LRRC37A2: variants seen among roughly 807,000 people sequenced by gnomAD.
LRRC37A2 encodes leucine-rich repeat-containing protein 37A2.
In LRRC37A2, 9 loss-of-function variants were observed where a neutral mutation model predicts 68.8. The ratio of observed to expected loss-of-function variants is 0.13; its 90% CI spans 0.08 to 0.23. The LOEUF is 0.23. Ranked by LOEUF, LRRC37A2 falls within the 10% of genes least tolerant of loss-of-function variation. The pLI is 1.00. For missense variants in LRRC37A2, 168 were observed against 950.4 expected, an observed-to-expected ratio of 0.18 and a Z score of 10.82; for synonymous variants, 63 against 367.6, an observed-to-expected ratio of 0.17 and a Z score of 9.48.
the LRRC37A2 span, among the ~76,000 whole-genome samples, chr17:46,801,155 G>A: frequency 2.0e-5 from 3 of 152,318 alleles, no homozygotes; most frequent in East Asian, 5.8e-4. Flanking sequence ...AGTCCACCCA[G>A]ATAAAAAGGC....
intron 8 of LRRC37A2, among the ~76,000 whole-genome samples, chr17:46,541,198 A>T (rs1469294207): frequency 2.0e-5 from 3 of 147,734 alleles, no homozygotes. Context: ...ATGTCTTATA[A>T]ATGAAATCAT....
chr17:46,973,538 A>C, the LRRC37A2 span, among the ~76,000 whole-genome samples: 1 of 152,036 alleles, frequency 6.6e-6, no homozygotes, highest in African/African-American at 2.4e-5. Context: ...CATGGACTGG[A>C]GTGCACTTAT....
the LRRC37A2 span, among the ~76,000 whole-genome samples, chr17:46,667,518 A>G: frequency 1.3e-4 from 19 of 142,800 alleles, 1 homozygote; most frequent in African/African-American, 4.5e-4. Context: ...AAACAACCCA[A>G]TGACAGCACT....
At chr17:46,827,783 T>G in the LRRC37A2 span, among the ~76,000 whole-genome samples, 10 of 151,998 alleles carry the variant, frequency 6.6e-5, no homozygotes, top group African/African-American at 2.4e-4. Flanking sequence ...TTTCTTTTCT[T>G]TTCTCTTTTT....
the LRRC37A2 span, among the ~76,000 whole-genome samples, chr17:46,796,126 G>A: frequency 1.3e-5 from 2 of 152,182 alleles, no homozygotes; most frequent in Non-Finnish European, 2.9e-5. Context: ...CCCCAATCCT[G>A]ATCTTATTGC....
At chr17:46,883,958 G>A in the LRRC37A2 span, among the ~76,000 whole-genome samples, 1 of 152,166 alleles carries the variant, frequency 6.6e-6, no homozygotes, top group African/African-American at 2.4e-5. Context: ...GTGTGTTTAC[G>A]CTGGAGCCGT....
chr17:46,931,115 C>G, the LRRC37A2 span: 2 of 1,596,100 alleles, frequency 1.3e-6, no homozygotes, highest in East Asian at 2.2e-5. Flanking sequence ...AAAACGAAAT[C>G]CAAGCAAGCA....
chr17:46,724,694 A>T, the LRRC37A2 span, among the ~76,000 whole-genome samples: 79 of 152,322 alleles, frequency 5.2e-4, no homozygotes, highest in Middle Eastern at 3.4e-3. Context: ...TGAAAGTAGG[A>T]TTATTTTTGT....
chr17:46,931,123 GC>G, the LRRC37A2 span: 1 of 1,605,924 alleles, frequency 6.2e-7, no homozygotes, highest in Non-Finnish European at 8.5e-7. Context: ...ATCCAAGCAA[GC>G]ATAGACCAGA....
the LRRC37A2 span, chr17:46,755,900 C>T: frequency 7.1e-7 from 1 of 1,415,044 alleles, no homozygotes; most frequent in Non-Finnish European, 9.9e-7. Flanking sequence ...CACTGTCTTA[C>T]TCAAGATACT....
the LRRC37A2 span, among the ~76,000 whole-genome samples, chr17:46,856,453 G>A: frequency 3.3e-5 from 5 of 151,348 alleles, no homozygotes; most frequent in South Asian, 2.1e-4. Context: ...CCCCCAAATC[G>A]TTGTTATATA....
At chr17:46,999,044 C>T in the LRRC37A2 span, among the ~76,000 whole-genome samples, 1 of 152,204 alleles carries the variant, frequency 6.6e-6, no homozygotes, top group African/African-American at 2.4e-5. Context: ...TGAAGCCTGA[C>T]GAGTTTTCTC....
At chr17:46,915,507 C>T in the LRRC37A2 span, among the ~76,000 whole-genome samples, 3 of 152,222 alleles carry the variant, frequency 2.0e-5, no homozygotes, top group South Asian at 2.1e-4. Context: ...AACTAGACTC[C>T]ACCTCTCAAT....
At chr17:46,834,719 GA>G in the LRRC37A2 span, among the ~76,000 whole-genome samples, 1 of 152,196 alleles carries the variant, frequency 6.6e-6, no homozygotes, top group East Asian at 1.9e-4. Context: ...TTTTAACCTG[GA>G]AGGTTCCCTC....
chr17:46,503,223 AAAAT>A, the LRRC37A2 span, among the ~76,000 whole-genome samples: 1 of 131,566 alleles, frequency 7.6e-6, no homozygotes, highest in South Asian at 2.5e-4. Flanking sequence ...AAAAAAAAAA[AAAAT>A]AGTCTTCATT....
the LRRC37A2 span, among the ~76,000 whole-genome samples, chr17:46,893,165 A>T: frequency 1.3e-5 from 2 of 152,072 alleles, no homozygotes; most frequent in Non-Finnish European, 2.9e-5. Flanking sequence ...AACTTCTGAC[A>T]TCAAGTGATC....
the LRRC37A2 span, among the ~76,000 whole-genome samples, chr17:47,020,521 T>A: frequency 5.3e-5 from 8 of 151,076 alleles, no homozygotes; most frequent in Admixed American, 5.3e-4. Flanking sequence ...GGCTCACGCC[T>A]GTAATCCCAG....
chr17:46,494,042 G>A, the LRRC37A2 span, among the ~76,000 whole-genome samples: 1 of 149,114 alleles, frequency 6.7e-6, no homozygotes, highest in Non-Finnish European at 1.5e-5. Flanking sequence ...ATGGGGTTTC[G>A]CTATGTTGCC....
At chr17:47,028,434 G>T in the LRRC37A2 span, 20 of 943,208 alleles carry the variant, frequency 2.1e-5, no homozygotes, top group Non-Finnish European at 3.4e-5. Context: ...TTGGGTAGCT[G>T]GGTATAAGCC....
Sources: allele counts gnomAD v4.1 joint callset (sites outside exome capture counted in the v4.1 genomes callset), GRCh38; gene constraint gnomAD v4.1.1; transcripts MANE v1.5; gene names NCBI Gene and HGNC (gene_info 2026-07-23, HGNC 2026-07-21).